Variants in DNAH14 observed in about 807,000 individuals in gnomAD.
DNAH14 encodes the protein dynein axonemal heavy chain 14.
In DNAH14, 478 loss-of-function variants were observed where a neutral mutation model predicts 520.9. The ratio of observed to expected loss-of-function variants is 0.92; its 90% confidence interval spans 0.85 to 0.99. The LOEUF (loss-of-function observed/expected upper bound fraction) is 0.99. DNAH14 is among the 50% of genes least tolerant of loss of function. DNAH14 has a pLI of 0.00. For missense variants in DNAH14, 4,831 were observed against 5,234.5 expected, an observed-to-expected ratio of 0.92 and a Z score of 2.38; for synonymous variants, 1,581 against 1,757.2, an observed-to-expected ratio of 0.90 and a Z score of 2.51.
chr1:225,188,110 T>C (rs2084961609), intron 37 of DNAH14, among the ~76,000 whole-genome samples: 1 of 151,976 alleles, frequency 6.6e-6, no homozygotes, highest in African/African-American at 2.4e-5. Flanking sequence ...TATACCACAA[T>C]AGATATGTTG....
intron 8 of DNAH14, 54 bp downstream of exon 8, chr1:224,974,207 C>T: frequency 8.5e-7 from 1 of 1,170,056 alleles, no homozygotes; most frequent in Non-Finnish European, 1.2e-6. Flanking sequence ...GTATGTTTTA[C>T]ATGTACTATG....
chr1:225,122,319 G>T (rs2077363438), intron 26 of DNAH14, among the ~76,000 whole-genome samples: 2 of 152,102 alleles, frequency 1.3e-5, no homozygotes, highest in Admixed American at 6.6e-5. Flanking sequence ...CAACCTATAT[G>T]CCGTGGTTGC....
intron 52 of DNAH14, among the ~76,000 whole-genome samples, chr1:225,273,350 G>C (rs367932582): frequency 1.3e-5 from 2 of 152,352 alleles, no homozygotes; most frequent in South Asian, 2.1e-4. Context: ...AGAATGGCGT[G>C]AACCCGGGAG....
At chr1:225,296,756 A>G (rs1440081238) in intron 55 of DNAH14, among the ~76,000 whole-genome samples, 2 of 152,076 alleles carry the variant, frequency 1.3e-5, no homozygotes, top group African/African-American at 4.8e-5. Flanking sequence ...GCTTTGTTGG[A>G]TATAATTTTC....
intron 41 of DNAH14, among the ~76,000 whole-genome samples, chr1:225,216,003 C>T (rs2089258481): frequency 6.6e-6 from 1 of 152,196 alleles, no homozygotes. Flanking sequence ...ATGGTCATTA[C>T]AATTTGGCAT....
At chr1:225,049,760 GTCTA>G (rs1278007674) in intron 15 of DNAH14, among the ~76,000 whole-genome samples, 8 of 134,590 alleles carry the variant, frequency 5.9e-5, no homozygotes, top group South Asian at 2.4e-4. Context: ...TTATCTATCT[GTCTA>G]TCTATCTACC....
At chr1:225,367,337 C>G (rs2150602701) in intron 76 of DNAH14, among the ~76,000 whole-genome samples, 1 of 152,252 alleles carries the variant, frequency 6.6e-6, no homozygotes, top group African/African-American at 2.4e-5. Flanking sequence ...TAATTGTTCT[C>G]CTTCTGATGG....
chr1:225,072,302 A>AT (rs1253802816), intron 17 of DNAH14, among the ~76,000 whole-genome samples: 2 of 151,854 alleles, frequency 1.3e-5, no homozygotes, highest in Non-Finnish European at 2.9e-5. Context: ...AAGCTCTGAG[A>AT]TTTTTTTCTC....
At chr1:224,942,827 A>T (rs1408186213) in intron 1 of DNAH14, among the ~76,000 whole-genome samples, 2 of 152,124 alleles carry the variant, frequency 1.3e-5, no homozygotes, top group African/African-American at 4.8e-5. Flanking sequence ...TGTATGTTGA[A>T]CCAGCCTTGC....
At chr1:225,235,955 T>C (rs2091548568) in intron 42 of DNAH14, among the ~76,000 whole-genome samples, 1 of 152,108 alleles carries the variant, frequency 6.6e-6, no homozygotes. Context: ...AAGCAGTCTA[T>C]CTATTTTATT....
rs2094630778 is a variant in DNAH14 at position 225,325,127 on chromosome 1, C to T, written c.9723+295C>T. ...GGAAGATCTTTACAACTTCAGTTTACCAAAGCCTTAAACAGTATCAATCTG... is the reference window on the plus strand; with the variant it reads ...GGAAGATCTTTACAACTTCAGTTTATCAAAGCCTTAAACAGTATCAATCTG... On this transcript the variant is annotated intron_variant, in intron 64 of 85. Coordinates refer to ENST00000682510, the MANE Select transcript of DNAH14 (RefSeq NM_001367479.1). 2.6e-5 allele frequency among the ~76,000 whole-genome samples: 4 copies of T among 151,386 alleles called. No homozygotes were observed. The South Asian group carries it at 8.3e-4, about 31-fold the overall frequency.
intron 37 of DNAH14, among the ~76,000 whole-genome samples, chr1:225,191,435 G>T (rs1418153729): frequency 6.6e-6 from 1 of 151,888 alleles, no homozygotes; most frequent in African/African-American, 2.4e-5. Context: ...GATGAGAATT[G>T]ACTTTTAATT....
chr1:225,376,160 C>T (rs115316811), intron 78 of DNAH14, among the ~76,000 whole-genome samples: 2,359 of 152,108 alleles, frequency 0.016, 64 homozygotes, highest in African/African-American at 0.053. Flanking sequence ...AATGTGGTGG[C>T]TCATGCCTAT....
intron 52 of DNAH14, among the ~76,000 whole-genome samples, chr1:225,273,692 T>C (rs1472338826): frequency 6.6e-6 from 1 of 152,206 alleles, no homozygotes; most frequent in Non-Finnish European, 1.5e-5. Flanking sequence ...AACTGTCCAC[T>C]GTCTTGATAC....
At chr1:225,064,805 G>T (rs1442358538) in intron 17 of DNAH14, among the ~76,000 whole-genome samples, 1 of 151,894 alleles carries the variant, frequency 6.6e-6, no homozygotes, top group Non-Finnish European at 1.5e-5. Flanking sequence ...CATCTTTCTA[G>T]GACAGTGAAG....
rs1230547951 is a variant in DNAH14 at position 225,337,173 on chromosome 1, C to T, written c.10081-93C>T. 7 of 1,009,998 alleles carry T rather than the reference C, an allele frequency of 6.9e-6. No individual in the cohort carries two copies. The East Asian group carries it at 1.8e-4, about 27-fold the overall frequency. The allele number at this position is 1,009,998 out of a possible 1,614,324, so 62.6% of individuals were successfully genotyped here. A position where few individuals can be genotyped will look rare whatever the true frequency, so the allele number is the denominator to read the frequency against. On this transcript the variant is annotated intron_variant, in intron 66 of 85. Transcript: ENST00000682510. ...TAAACAGTATTTCTTTTTCTAAAGG[C>T]AGTGATTCTGTAGGATCTTTTAGTA...
chr1:225,254,547 T>C (rs749449096), intron 44 of DNAH14, among the ~76,000 whole-genome samples: 9 of 152,142 alleles, frequency 5.9e-5, no homozygotes, highest in Non-Finnish European at 1.2e-4. Flanking sequence ...TTGGTGTGAA[T>C]TGGCTACTTT....
At chr1:225,140,627 G>A (rs1573446856) in intron 27 of DNAH14, 141 bp from the exon 28 acceptor site, 3 of 663,444 alleles carry the variant, frequency 4.5e-6, no homozygotes, top group South Asian at 5.6e-5. Context: ...ACACACAAAT[G>A]TGTAAGGTCT....
At chr1:225,091,341 G>T (rs1321125133) in intron 21 of DNAH14, among the ~76,000 whole-genome samples, 1 of 151,818 alleles carries the variant, frequency 6.6e-6, no homozygotes, top group African/African-American at 2.4e-5. Flanking sequence ...AGAGAGAAGG[G>T]GCAGCTCTAC....
Sources: gnomAD v4.1 joint callset for allele counts (sites outside exome capture counted in the v4.1 genomes callset) on GRCh38, gnomAD v4.1.1 for gene constraint, MANE v1.5 for transcripts, NCBI Gene and HGNC (gene_info 2026-07-23, HGNC 2026-07-21) for gene names.